TNFSF4: variants seen among roughly 807,000 people sequenced by gnomAD.
The protein encoded by TNFSF4 is tumor necrosis factor ligand superfamily member 4.
In TNFSF4, 4 loss-of-function variants were observed where a neutral mutation model predicts 7.3. The ratio of observed to expected loss-of-function variants is 0.55; its 90% CI spans 0.27 to 1.25. TNFSF4 has a LOEUF of 1.25. TNFSF4 is among the 50% of genes most tolerant of loss of function. The probability of loss-of-function intolerance (pLI) is 0.12; values close to 1 mark genes in which losing one functional copy is unlikely to be tolerated. For missense variants in TNFSF4, 181 were observed against 208.8 expected (o/e 0.87, Z 0.82); for synonymous variants, 76 against 83.7 (o/e 0.91, Z 0.50).
chr1:173,395,857 A>G, the TNFSF4 span, among the ~76,000 whole-genome samples: 3 of 152,112 alleles, frequency 2.0e-5, no homozygotes, highest in Non-Finnish European at 4.4e-5. Flanking sequence ...CCTACTCCAC[A>G]GCAGAACAGC....
chr1:173,411,181 C>T, the TNFSF4 span, among the ~76,000 whole-genome samples: 1 of 152,194 alleles, frequency 6.6e-6, no homozygotes, highest in East Asian at 1.9e-4. Context: ...CTGAGATAGG[C>T]TGCTTCTATC....
At chr1:173,304,507 T>C in the TNFSF4 span, among the ~76,000 whole-genome samples, 2 of 152,004 alleles carry the variant, frequency 1.3e-5, no homozygotes, top group Non-Finnish European at 1.5e-5. Flanking sequence ...CCTTTAGGTG[T>C]TCACCATTGT....
the TNFSF4 span, among the ~76,000 whole-genome samples, chr1:173,359,647 A>T: frequency 6.6e-6 from 1 of 150,924 alleles, no homozygotes; most frequent in African/African-American, 2.4e-5. Flanking sequence ...ATTTTCCTTC[A>T]TGTTTCCTTC....
At chr1:173,204,230 C>CTA (rs1333597916) in intron 1 of TNFSF4, among the ~76,000 whole-genome samples, 2 of 152,092 alleles carry the variant, frequency 1.3e-5, no homozygotes, top group African/African-American at 4.8e-5. Context: ...AATATATAAA[C>CTA]TATATACTCA....
chr1:173,421,027 C>G, the TNFSF4 span, among the ~76,000 whole-genome samples: 3 of 152,114 alleles, frequency 2.0e-5, no homozygotes, highest in African/African-American at 4.8e-5. Flanking sequence ...TGACTACACA[C>G]AGACTACACA....
chr1:173,173,772 G>A, the TNFSF4 span, among the ~76,000 whole-genome samples: 24 of 152,342 alleles, frequency 1.6e-4, no homozygotes, highest in Admixed American at 7.8e-4. Context: ...ACCATGTCCC[G>A]AGGTTGCATA....
At chr1:173,200,377 T>A (rs887086614) in intron 1 of TNFSF4, among the ~76,000 whole-genome samples, 2 of 152,180 alleles carry the variant, frequency 1.3e-5, no homozygotes, top group African/African-American at 2.4e-5. Context: ...TCTGCAAAGA[T>A]GAGAGACTGT....
At chr1:173,188,137 T>A (rs1557878331) in intron 2 of TNFSF4, among the ~76,000 whole-genome samples, 2 of 152,240 alleles carry the variant, frequency 1.3e-5, no homozygotes, top group African/African-American at 4.8e-5. Flanking sequence ...TTCATTAAGG[T>A]AAACTCTTGC....
At chr1:173,412,589 T>G in the TNFSF4 span, among the ~76,000 whole-genome samples, 1 of 152,188 alleles carries the variant, frequency 6.6e-6, no homozygotes, top group Non-Finnish European at 1.5e-5. Context: ...AATATATGTA[T>G]TTAGCAAAGG....
At chr1:173,362,670 C>T in the TNFSF4 span, 1 of 422,894 alleles carries the variant, frequency 2.4e-6, no homozygotes, top group South Asian at 2.1e-5. Flanking sequence ...GTCTGTAAGA[C>T]TTCTGACAAT....
chr1:173,251,527 GC>G, the TNFSF4 span, among the ~76,000 whole-genome samples: 15 of 152,184 alleles, frequency 9.9e-5, no homozygotes, highest in African/African-American at 3.6e-4. Flanking sequence ...ACCAAGGTGG[GC>G]CCTCAAGATG....
At chr1:173,376,585 G>A in the TNFSF4 span, among the ~76,000 whole-genome samples, 1 of 152,150 alleles carries the variant, frequency 6.6e-6, no homozygotes, top group African/African-American at 2.4e-5. Flanking sequence ...CTAAAGGTTT[G>A]TAAATGCACC....
chr1:173,332,485 T>A, the TNFSF4 span, among the ~76,000 whole-genome samples: 2 of 151,994 alleles, frequency 1.3e-5, no homozygotes, highest in Non-Finnish European at 2.9e-5. Context: ...GAGCTGAGAC[T>A]GTGCCATTGC....
the TNFSF4 span, among the ~76,000 whole-genome samples, chr1:173,422,208 G>C: frequency 0.079 from 11,961 of 151,358 alleles, 1,594 homozygotes; most frequent in African/African-American, 0.27. Flanking sequence ...TTAACACCTA[G>C]AGACATTACC....
At chr1:173,315,120 C>T in the TNFSF4 span, among the ~76,000 whole-genome samples, 3 of 152,042 alleles carry the variant, frequency 2.0e-5, no homozygotes, top group East Asian at 3.9e-4. Flanking sequence ...CCATTTTTTA[C>T]GTGTGACCTA....
Position 173,185,233 on chromosome 1 carries a change from T to C in TNFSF4, c.*1283A>G, listed in dbSNP as rs1257705788. 1.3e-5 allele frequency: 2 copies of C among 152,176 alleles called. No individual in the cohort carries two copies. Among genetic ancestry groups the C allele is most frequent in the Admixed American group, 6.5e-5 (1 of 15,280 alleles). The allele number at this position is 152,176 out of a possible 1,614,324, so 9.4% of individuals were successfully genotyped here. A position where few individuals can be genotyped will look rare whatever the true frequency, so the allele number is the denominator to read the frequency against. On this transcript the variant is annotated 3_prime_UTR_variant, in exon 3 of 3. Coordinates refer to ENST00000281834, the MANE Select transcript of TNFSF4 (RefSeq NM_003326.5). The stretch of plus-strand genomic sequence containing the variant: ...CTCAAAAATTTATGTTTATAAAAGG[T>C]TTGGCACAGAGAAGTTACAAATCAT...
chr1:173,204,315 G>A lies in TNFSF4; in HGVS notation c.153+2709C>T, dbSNP rs117706451. 4.6e-3 allele frequency among the ~76,000 whole-genome samples: 698 copies of A among 152,186 alleles called. 18 individuals carry two copies. Among genetic ancestry groups the A allele is most frequent in the East Asian group, 0.038 (197 of 5,178 alleles). ...TCATAATACAGATTATAAAAATCAA[G>A]GCTCAAAGAGGAAAGTAAATTAGAT... On this transcript the variant is annotated intron_variant, in intron 1 of 2. Coordinates refer to ENST00000281834, the MANE Select transcript of TNFSF4 (RefSeq NM_003326.5).
At chr1:173,260,512 G>A in the TNFSF4 span, among the ~76,000 whole-genome samples, 1 of 152,108 alleles carries the variant, frequency 6.6e-6, no homozygotes, top group South Asian at 2.1e-4. Context: ...AAATGTAAAT[G>A]GGCTAAATAT....
the TNFSF4 span, among the ~76,000 whole-genome samples, chr1:173,375,633 C>A: frequency 2.0e-5 from 3 of 149,786 alleles, no homozygotes; most frequent in South Asian, 6.2e-4. Flanking sequence ...TAAAATGCAC[C>A]AATCAGCACT....
Sources: gnomAD v4.1 joint callset for allele counts (sites outside exome capture counted in the v4.1 genomes callset) on GRCh38, gnomAD v4.1.1 for gene constraint, MANE v1.5 for transcripts, NCBI Gene and HGNC (gene_info 2026-07-23, HGNC 2026-07-21) for gene names.